The following SRGAP1 variants were observed in gnomAD, a reference collection of about 807,000 sequenced individuals.
The protein encoded by SRGAP1 is SLIT-ROBO Rho GTPase-activating protein 1.
A neutral mutation model predicts 121.9 loss-of-function variants in SRGAP1; 43 were observed. The observed-to-expected ratio is 0.35, with a 90% CI of 0.28 to 0.46. The LOEUF (loss-of-function observed/expected upper bound fraction) is 0.46. Ranked by LOEUF, SRGAP1 falls within the 20% of genes least tolerant of loss-of-function variation. The pLI is 1.00. For missense variants in SRGAP1, 1,102 were observed against 1,350.9 expected (o/e 0.82, Z 2.89); for synonymous variants, 447 against 485.4 (o/e 0.92, Z 1.04).
At chr12:64,141,981 C>T (rs1310817523) in intron 21 of SRGAP1, among the ~76,000 whole-genome samples, 1 of 152,018 alleles carries the variant, frequency 6.6e-6, no homozygotes, top group Non-Finnish European at 1.5e-5. Context: ...AGAGTGAGAC[C>T]CTGCCTCAAA....
At chr12:63,999,376 G>A (rs904379169) in intron 3 of SRGAP1, among the ~76,000 whole-genome samples, 4 of 152,198 alleles carry the variant, frequency 2.6e-5, no homozygotes, top group African/African-American at 9.6e-5. Context: ...TGCCTGGAGT[G>A]TGGAGAGTGG....
intron 1 of SRGAP1, among the ~76,000 whole-genome samples, chr12:63,975,989 G>A (rs2033082735): frequency 6.6e-6 from 1 of 152,148 alleles, no homozygotes; most frequent in Non-Finnish European, 1.5e-5. Context: ...CGGATGCTTA[G>A]CATTGCATTT....
intron 1 of SRGAP1, among the ~76,000 whole-genome samples, chr12:63,962,411 A>G (rs999994287): frequency 1.3e-5 from 2 of 152,106 alleles, no homozygotes; most frequent in African/African-American, 4.8e-5. Flanking sequence ...TGGGAGTGAG[A>G]AACATTCTTT....
chr12:64,139,706 A>C (rs2036926191), intron 21 of SRGAP1, among the ~76,000 whole-genome samples: 2 of 151,540 alleles, frequency 1.3e-5, no homozygotes, highest in Admixed American at 6.6e-5. Context: ...GTTCACTCTG[A>C]TGGTAGTTTC....
At chr12:64,114,141 C>G (rs2136619584) in intron 17 of SRGAP1, among the ~76,000 whole-genome samples, 1 of 152,200 alleles carries the variant, frequency 6.6e-6, no homozygotes, top group Non-Finnish European at 1.5e-5. Context: ...GATTCCAGTT[C>G]TGTAGTATAT....
At chr12:64,097,167 T>G in intron 14 of SRGAP1, 74 bp from the exon 15 acceptor site, 1 of 1,448,446 alleles carries the variant, frequency 6.9e-7, no homozygotes, top group South Asian at 1.4e-5. Flanking sequence ...GCAACGTGTA[T>G]GTTCATAGAA....
chr12:64,041,875 ATATTATTAT>A (rs10689107), intron 4 of SRGAP1, among the ~76,000 whole-genome samples: 42,141 of 138,464 alleles, frequency 0.3, 6,672 homozygotes, highest in South Asian at 0.45. Flanking sequence ...ATTTTCTTTT[ATATTATTAT>A]TATTATTATT....
chr12:63,866,250 A>G (rs1047917602), intron 1 of SRGAP1, among the ~76,000 whole-genome samples: 2 of 152,184 alleles, frequency 1.3e-5, no homozygotes, highest in Admixed American at 1.3e-4. Flanking sequence ...GCCAGCCACT[A>G]TGCTTCTTAT....
intron 1 of SRGAP1, among the ~76,000 whole-genome samples, chr12:63,925,150 A>T (rs1254226521): frequency 1.3e-5 from 2 of 152,206 alleles, no homozygotes; most frequent in Admixed American, 6.5e-5. Flanking sequence ...GAGCCTCCTT[A>T]TGAAGAAGTG....
chr12:64,025,384 C>T (rs902499592), intron 4 of SRGAP1, among the ~76,000 whole-genome samples: 1 of 152,024 alleles, frequency 6.6e-6, no homozygotes, highest in Non-Finnish European at 1.5e-5. Context: ...CACCTCATAT[C>T]GGAAGATTTT....
At chr12:64,076,008 A>G (rs1246263885) in intron 8 of SRGAP1, among the ~76,000 whole-genome samples, 2 of 152,174 alleles carry the variant, frequency 1.3e-5, no homozygotes, top group Non-Finnish European at 2.9e-5. Context: ...TTCATTTTCT[A>G]GGACAAGATG....
At chr12:64,136,034 C>T (rs1407276754) in intron 21 of SRGAP1, among the ~76,000 whole-genome samples, 1 of 152,148 alleles carries the variant, frequency 6.6e-6, no homozygotes, top group Admixed American at 6.6e-5. Flanking sequence ...AACCTTTTCA[C>T]GTTCTTCTGT....
At chr12:63,957,078 C>T (rs527435851) in intron 1 of SRGAP1, among the ~76,000 whole-genome samples, 4 of 152,258 alleles carry the variant, frequency 2.6e-5, no homozygotes, top group East Asian at 3.9e-4. Context: ...AATAATATTC[C>T]GTGGTGTGGA....
chr12:63,935,616 A>T (rs1424341252), intron 1 of SRGAP1, among the ~76,000 whole-genome samples: 1 of 152,244 alleles, frequency 6.6e-6, no homozygotes, highest in African/African-American at 2.4e-5. Context: ...CAAAAATAAC[A>T]CTTACAGAAA....
chr12:63,990,109 A>G (rs549872928), intron 3 of SRGAP1, 37 bp downstream of exon 3: 9 of 1,524,544 alleles, frequency 5.9e-6, no homozygotes, highest in African/African-American at 2.8e-5. Flanking sequence ...GTGCTTTCCA[A>G]TAACTGCCTT....
At chr12:64,035,075 A>G (rs1031336210) in intron 4 of SRGAP1, among the ~76,000 whole-genome samples, 1 of 151,868 alleles carries the variant, frequency 6.6e-6, no homozygotes, top group South Asian at 2.1e-4. Context: ...AAGAAAAAAA[A>G]CTTTCTGGTT....
chr12:63,872,459 GA>G (rs1346412659), intron 1 of SRGAP1, among the ~76,000 whole-genome samples: 1 of 152,136 alleles, frequency 6.6e-6, no homozygotes, highest in Non-Finnish European at 1.5e-5. Flanking sequence ...GGATGTTAGG[GA>G]AAATAGGATT....
At chr12:64,126,297 C>T (rs1424522351) in intron 19 of SRGAP1, 140 bp downstream of exon 19, 2 of 898,524 alleles carry the variant, frequency 2.2e-6, no homozygotes, top group African/African-American at 1.7e-5. Context: ...CAGTTCCTTA[C>T]CTTGCCAGTG....
chr12:64,127,133 G>A (rs2036702119), intron 19 of SRGAP1, among the ~76,000 whole-genome samples: 1 of 152,180 alleles, frequency 6.6e-6, no homozygotes, highest in African/African-American at 2.4e-5. Context: ...CTACCATCTA[G>A]GTTTGTGTAA....
Sources: gnomAD v4.1 joint callset for allele counts (sites outside exome capture counted in the v4.1 genomes callset) on GRCh38, gnomAD v4.1.1 for gene constraint, MANE v1.5 for transcripts, NCBI Gene and HGNC (gene_info 2026-07-23, HGNC 2026-07-21) for gene names.